CDK19: variants seen among roughly 807,000 people sequenced by gnomAD.
The protein encoded by CDK19 is cyclin-dependent kinase 19.
CDK19 carries 20 observed loss-of-function variants against 68.3 expected under a neutral mutation model. The observed-to-expected ratio is 0.29, with a 90% CI of 0.21 to 0.43. The LOEUF (loss-of-function observed/expected upper bound fraction) is 0.43, where lower values mean the gene tolerates loss of function less well. Ranked by LOEUF, CDK19 falls within the 20% of genes least tolerant of loss-of-function variation. The pLI, the probability that CDK19 is intolerant of heterozygous loss-of-function variation, is 1.00. For missense variants in CDK19, 339 were observed against 623.5 expected, an observed-to-expected ratio of 0.54 and a Z score of 4.86; for synonymous variants, 221 against 222.8, an observed-to-expected ratio of 0.99 and a Z score of 0.07.
rs183924560 is a variant in CDK19 at position 110,732,622 on chromosome 6, A to G, written c.204+13504T>C. On this transcript the variant is annotated intron_variant, in intron 2 of 12. Transcript: ENST00000368911. Reference sequence around the variant, plus strand: ...TATTAGACTTTTCCCATTCCTTTAAAGAACCAATCTCTCTAGTCTTTATTT... The same window carrying G: ...TATTAGACTTTTCCCATTCCTTTAAGGAACCAATCTCTCTAGTCTTTATTT... Among the ~76,000 whole-genome samples, 6 of 152,328 alleles carry G rather than the reference A, an allele frequency of 3.9e-5. No homozygotes were observed. The East Asian group carries it at 9.6e-4, about 24-fold the overall frequency.
intron 1 of CDK19, among the ~76,000 whole-genome samples, chr6:110,751,955 C>T (rs917972966): frequency 3.3e-5 from 5 of 151,598 alleles, no homozygotes; most frequent in Non-Finnish European, 7.4e-5. Context: ...ATGTTGTATC[C>T]CTTTCCTTTA....
chr6:110,623,320 C>A lies in CDK19; in HGVS notation c.903G>T (p.Lys301Asn), dbSNP rs767097773. 6.2e-7 allele frequency: 1 copy of A among 1,613,968 alleles called. No homozygotes were observed. Among genetic ancestry groups the A allele is most frequent in the Non-Finnish European group, 8.5e-7 (1 of 1,179,884 alleles). ...SSLIKYMEKH[K>N]VKPDSKVFLL... ...GGAACACTTTGCTGTCAGGCTTGAC[C>A]TTGTGTTTCTCCATGTACTTTATGA... is the stretch of plus-strand genomic sequence containing the variant. Residue 301 changes from lysine (K) to asparagine (N), a missense_variant, in exon 9 of 13, where the codon AAG (lysine) becomes AAT (asparagine). This residue lies in a region of CDK19 where 63 missense variants were observed against 156.5 expected (regional missense o/e 0.40). Coordinates refer to ENST00000368911, the MANE Select transcript of CDK19 (RefSeq NM_015076.5).
intron 4 of CDK19, among the ~76,000 whole-genome samples, chr6:110,658,068 TAA>T (rs1265937520): frequency 6.6e-6 from 1 of 152,208 alleles, no homozygotes; most frequent in African/African-American, 2.4e-5. Flanking sequence ...CTTACACATG[TAA>T]GGTGTGTGTC....
At chr6:110,776,038 T>C (rs1218603763) in intron 1 of CDK19, among the ~76,000 whole-genome samples, 1 of 152,212 alleles carries the variant, frequency 6.6e-6, no homozygotes, top group African/African-American at 2.4e-5. Flanking sequence ...ACAAGGTTTT[T>C]AAAAATGTTA....
intron 1 of CDK19, among the ~76,000 whole-genome samples, chr6:110,792,225 T>C (rs1032284598): frequency 6.6e-6 from 1 of 152,090 alleles, no homozygotes; most frequent in African/African-American, 2.4e-5. Flanking sequence ...CACCTCGGCC[T>C]CCCAAAGTGC....
In CDK19 at chr6:110,621,503, G is replaced by A. The variant is rs1472722226; in HGVS notation, c.1111-133C>T. On this transcript the variant is annotated intron_variant, in intron 11 of 12. Transcript: ENST00000368911. The surrounding 1 kb of genome is among the most constrained non-coding windows in gnomAD (Gnocchi z 5.4). Reference sequence around the variant, plus strand: ...ATGTGGGACACTAGAGTGATGGGGAGGACTGGAGAATGGAGCAGCCAGGGA... The same window carrying A: ...ATGTGGGACACTAGAGTGATGGGGAAGACTGGAGAATGGAGCAGCCAGGGA... The A allele has an allele frequency of 1.1e-6, 1 of 872,556 alleles. No individual in the cohort carries two copies. The highest frequency in any genetic ancestry group is 1.8e-6 in the Non-Finnish European group (1 of 570,450). The allele number at this position is 872,556 out of a possible 1,614,324, so 54.1% of individuals were successfully genotyped here. A position where few individuals can be genotyped will look rare whatever the true frequency, so the allele number is the denominator to read the frequency against.
At chr6:110,796,587 T>G (rs1391545104) in intron 1 of CDK19, among the ~76,000 whole-genome samples, 1 of 152,042 alleles carries the variant, frequency 6.6e-6, no homozygotes. Flanking sequence ...AGGCAGAGGT[T>G]GCGGTGAGCT....
chr6:110,759,428 AATATATATAT>A (rs34490988), intron 1 of CDK19, among the ~76,000 whole-genome samples: 578 of 50,908 alleles, frequency 0.011, 19 homozygotes, highest in African/African-American at 0.049. Context: ...AAAAAAAAAA[AATATATATAT>A]ATATATATAT....
intron 4 of CDK19, among the ~76,000 whole-genome samples, chr6:110,665,643 A>G (rs1163388661): frequency 6.6e-6 from 1 of 152,276 alleles, no homozygotes; most frequent in Non-Finnish European, 1.5e-5. Context: ...CCTCAAAAAT[A>G]TAACCTGCAT....
chr6:110,625,517 A>G (rs1402111331), intron 8 of CDK19, among the ~76,000 whole-genome samples: 1 of 152,090 alleles, frequency 6.6e-6, no homozygotes, highest in Admixed American at 6.6e-5. Context: ...AAAATGTTAA[A>G]TGAAAATAAC....
At chr6:110,785,924 G>A (rs1012144971) in intron 1 of CDK19, among the ~76,000 whole-genome samples, 1 of 151,528 alleles carries the variant, frequency 6.6e-6, no homozygotes, top group Admixed American at 6.6e-5. Context: ...AGATTGTCGT[G>A]AGTCGAGATG....
chr6:110,762,420 C>T (rs1779291692), intron 1 of CDK19, among the ~76,000 whole-genome samples: 1 of 152,174 alleles, frequency 6.6e-6, no homozygotes, highest in African/African-American at 2.4e-5. Flanking sequence ...AAGTAGCATT[C>T]ATCATATACC....
At chr6:110,795,922 T>C (rs530626068) in intron 1 of CDK19, among the ~76,000 whole-genome samples, 7 of 152,212 alleles carry the variant, frequency 4.6e-5, no homozygotes, top group Admixed American at 2.0e-4. Context: ...ACCCTTAGTA[T>C]CTTAGTAATT....
At chr6:110,643,080 A>G (rs1026764930) in intron 4 of CDK19, 46 of 590,194 alleles carry the variant, frequency 7.8e-5, no homozygotes, top group African/African-American at 7.8e-4. Context: ...CAGCAAGGTA[A>G]GGAAGCTGAG....
At chr6:110,671,390 C>T (rs1771001876) in intron 2 of CDK19, among the ~76,000 whole-genome samples, 1 of 152,234 alleles carries the variant, frequency 6.6e-6, no homozygotes, top group South Asian at 2.1e-4. Flanking sequence ...TAAAGAGAAA[C>T]ATATTCAATT....
At chr6:110,695,207 C>A (rs1174314730) in intron 2 of CDK19, among the ~76,000 whole-genome samples, 1 of 152,038 alleles carries the variant, frequency 6.6e-6, no homozygotes, top group East Asian at 1.9e-4. Flanking sequence ...AAGGAAGCCT[C>A]AAAACTATAC....
At chr6:110,619,868 T>C (rs1187884691) in intron 12 of CDK19, among the ~76,000 whole-genome samples, 4 of 152,100 alleles carry the variant, frequency 2.6e-5, no homozygotes, top group African/African-American at 9.7e-5. Context: ...TTGAATAAAG[T>C]CTGCCTTACC....
At chr6:110,677,015 C>G (rs1326435259) in intron 2 of CDK19, among the ~76,000 whole-genome samples, 1 of 152,188 alleles carries the variant, frequency 6.6e-6, no homozygotes, top group Non-Finnish European at 1.5e-5. Flanking sequence ...CTGTGTACCT[C>G]TTATGCTTTT....
At chr6:110,616,454 G>A (rs964712130) in intron 12 of CDK19, among the ~76,000 whole-genome samples, 20 of 152,088 alleles carry the variant, frequency 1.3e-4, no homozygotes, top group African/African-American at 4.8e-4. Flanking sequence ...GATCACCTGA[G>A]GTCAGGAGTT....
Sources: gnomAD v4.1 joint callset for allele counts (sites outside exome capture counted in the v4.1 genomes callset) on GRCh38, gnomAD v4.1.1 for gene constraint, gnomAD v4.1.1 regional missense constraint, Gnocchi (gnomAD v3.1) non-coding constraint, MANE v1.5 for transcripts, NCBI Gene and HGNC (gene_info 2026-07-23, HGNC 2026-07-21) for gene names.